Variants in RBBP8 observed in about 807,000 individuals in gnomAD.
The protein encoded by RBBP8 is RB binding protein 8, endonuclease.
Under a neutral mutation model 108.3 loss-of-function variants are expected in RBBP8, and 88 were observed. That is an observed-to-expected ratio of 0.81 (90% CI 0.68 to 0.97). RBBP8 has a LOEUF of 0.97. RBBP8 is among the 50% of genes least tolerant of loss of function. The pLI is 0.00. For synonymous variants in RBBP8, 332 were observed against 348.2 expected (o/e 0.95, Z 0.52); for missense variants, 1,023 against 1,049.0 (o/e 0.98, Z 0.34).
chr18:22,972,415 CTT>C (rs796522846), intron 5 of RBBP8, among the ~76,000 whole-genome samples: 15 of 116,086 alleles, frequency 1.3e-4, no homozygotes, highest in Admixed American at 3.4e-4. Flanking sequence ...TTGTTTATTT[CTT>C]TTTTTTTTTT....
chr18:22,919,218 C>T (rs1806606330), intron 3 of RBBP8, among the ~76,000 whole-genome samples: 2 of 152,252 alleles, frequency 1.3e-5, no homozygotes, highest in South Asian at 2.1e-4. Flanking sequence ...CAGAATACCA[C>T]GACAAACATT....
At chr18:22,937,076 G>A in intron 2 of RBBP8, 116 bp downstream of exon 2, 2 of 1,521,102 alleles carry the variant, frequency 1.3e-6, no homozygotes, top group Middle Eastern at 2.3e-4. Context: ...GGTTCCGGGG[G>A]TACATGTGCA....
At chr18:23,008,929 A>G in intron 16 of RBBP8, among the ~76,000 whole-genome samples, 1 of 151,460 alleles carries the variant, frequency 6.6e-6, no homozygotes, top group African/African-American at 2.4e-5. Flanking sequence ...GCCCACCACC[A>G]CACCTGGCTA....
At chr18:23,013,610 G>A (rs1486303252) in intron 16 of RBBP8, among the ~76,000 whole-genome samples, 2 of 152,132 alleles carry the variant, frequency 1.3e-5, no homozygotes, top group African/African-American at 2.4e-5. Flanking sequence ...CTGATTTGCT[G>A]GTTTTACATA....
chr18:22,985,406 T>A (rs1412829226), intron 8 of RBBP8, among the ~76,000 whole-genome samples: 1 of 151,380 alleles, frequency 6.6e-6, no homozygotes, highest in Non-Finnish European at 1.5e-5. Context: ...TTAGAAAGCC[T>A]CACTTGTAAA....
intron 2 of RBBP8, among the ~76,000 whole-genome samples, chr18:22,944,206 C>A (rs2058010131): frequency 6.6e-6 from 1 of 152,210 alleles, no homozygotes; most frequent in African/African-American, 2.4e-5. Context: ...CACATATACA[C>A]ATATAAACCT....
At chr18:22,989,092 T>A in intron 8 of RBBP8, 129 bp from the exon 9 acceptor site, 1 of 628,888 alleles carries the variant, frequency 1.6e-6, no homozygotes. Flanking sequence ...AATTTTAAAA[T>A]GTGTCTAGTG....
At chr18:23,014,863 C>A (rs1218092906) in intron 16 of RBBP8, among the ~76,000 whole-genome samples, 1 of 137,604 alleles carries the variant, frequency 7.3e-6, no homozygotes, top group Non-Finnish European at 1.5e-5. Flanking sequence ...GGTAATTTTT[C>A]TTTTTCTTTT....
At chr18:22,939,542 T>C (rs1468931361) in intron 2 of RBBP8, among the ~76,000 whole-genome samples, 1 of 152,032 alleles carries the variant, frequency 6.6e-6, no homozygotes, top group Non-Finnish European at 1.5e-5. Context: ...AAAAAAGAAC[T>C]TTCCCATGGT....
At chr18:22,999,310 T>G (rs2045909131) in intron 14 of RBBP8, among the ~76,000 whole-genome samples, 1 of 152,184 alleles carries the variant, frequency 6.6e-6, no homozygotes, top group Non-Finnish European at 1.5e-5. Flanking sequence ...CAGGGTCTCA[T>G]GCAGTTGTAG....
intron 6 of RBBP8, among the ~76,000 whole-genome samples, chr18:22,981,004 G>T (rs1483881667): frequency 9.4e-6 from 1 of 105,896 alleles, no homozygotes; most frequent in South Asian, 3.5e-4. Context: ...ACGGAGTCTC[G>T]CTCTGTTGCC....
intron 4 of RBBP8, among the ~76,000 whole-genome samples, chr18:22,953,036 C>G (rs1912178569): frequency 6.6e-6 from 1 of 152,156 alleles, no homozygotes; most frequent in African/African-American, 2.4e-5. Context: ...ATCAATAAGA[C>G]TTTGGACACT....
At chr18:22,949,533 T>C in intron 3 of RBBP8, 85 bp from the exon 4 acceptor site, 1 of 980,940 alleles carries the variant, frequency 1.0e-6, no homozygotes, top group South Asian at 1.3e-5. Flanking sequence ...ACAAGAAATT[T>C]GTTATATAAA....
intron 2 of RBBP8, among the ~76,000 whole-genome samples, chr18:22,938,856 A>G (rs1292046312): frequency 6.6e-6 from 1 of 152,222 alleles, no homozygotes; most frequent in East Asian, 1.9e-4. Context: ...GTCTTAGTAG[A>G]GTCGTGTAAA....
intron 1 of RBBP8, 169 bp downstream of exon 1, chr18:22,933,733 A>G (rs1441287404): frequency 6.6e-6 from 1 of 152,092 alleles, no homozygotes; most frequent in African/African-American, 2.4e-5. Flanking sequence ...GTGGTGGTGG[A>G]CCGGCGGGAG....
chr18:22,965,761 A>C (rs1182269755), intron 4 of RBBP8, among the ~76,000 whole-genome samples: 1 of 151,776 alleles, frequency 6.6e-6, no homozygotes, highest in Non-Finnish European at 1.5e-5. Flanking sequence ...TTAATCAGTC[A>C]CTCCCAGAAC....
At chr18:22,960,887 G>A (rs1297296779) in intron 4 of RBBP8, among the ~76,000 whole-genome samples, 1 of 152,182 alleles carries the variant, frequency 6.6e-6, no homozygotes. Context: ...TTACGGGTAT[G>A]TCTGTTCTAA....
At chr18:23,018,661 G>C (rs1054022356) in intron 17 of RBBP8, among the ~76,000 whole-genome samples, 10 of 126,152 alleles carry the variant, frequency 7.9e-5, no homozygotes, top group Non-Finnish European at 1.5e-4. Flanking sequence ...GTATTGTATA[G>C]GGAATGACAA....
intron 16 of RBBP8, among the ~76,000 whole-genome samples, chr18:23,015,527 T>G (rs928436033): frequency 2.6e-5 from 4 of 151,996 alleles, no homozygotes. Context: ...CATAAAATCT[T>G]TTCCCAGACC....
Sources: allele counts gnomAD v4.1 joint callset (sites outside exome capture counted in the v4.1 genomes callset), GRCh38; gene constraint gnomAD v4.1.1; transcripts MANE v1.5; gene names NCBI Gene and HGNC (gene_info 2026-07-23, HGNC 2026-07-21).